LONP2: variants seen among roughly 807,000 people sequenced by gnomAD.
LONP2 encodes lon protease homolog 2, peroxisomal.
A neutral mutation model predicts 85.6 loss-of-function variants in LONP2; 60 were observed. The ratio of observed to expected loss-of-function variants is 0.70; its 90% CI spans 0.57 to 0.87. The LOEUF (loss-of-function observed/expected upper bound fraction) is 0.87, where lower values mean the gene tolerates loss of function less well. Among genes scored for constraint, LONP2 ranks in the 40% least tolerant of loss-of-function variants. LONP2 has a pLI of 0.00. For synonymous variants in LONP2, 395 were observed against 389.7 expected (o/e 1.01, Z -0.16); for missense variants, 860 against 1,063.5 (o/e 0.81, Z 2.66).
In LONP2 at chr16:48,258,835, C is replaced by T. The variant is rs557911337; in HGVS notation, c.723+95C>T. 2.1e-5 allele frequency: 24 copies of T among 1,125,562 alleles called. No individual in the cohort carries two copies. The East Asian group carries it at 3.9e-4, about 18-fold the overall frequency. 69.7% of individuals were successfully genotyped at this position (1,125,562 alleles called of 1,614,324 possible). ...GAAAAGTTTATTGTCTCCTACCACT[C>T]GCACTACTGATAAAATTTAGGTGTT... On this transcript the variant is annotated intron_variant, in intron 4 of 14. Transcript: ENST00000285737.
chr16:48,358,829 A>T (rs2151041333), downstream of LONP2, among the ~76,000 whole-genome samples: 1 of 152,304 alleles, frequency 6.6e-6, no homozygotes, highest in African/African-American at 2.4e-5. Flanking sequence ...CATACACATA[A>T]AAAAAACTGG....
intron 11 of LONP2, among the ~76,000 whole-genome samples, chr16:48,316,586 C>A (rs934233241): frequency 1.3e-5 from 2 of 152,126 alleles, no homozygotes; most frequent in African/African-American, 4.8e-5. Flanking sequence ...CTTGGCCTCC[C>A]AAAGTGCTGG....
chr16:48,244,467 TC>T lies in LONP2; in HGVS notation c.81del (p.Thr28ProfsTer20). On this transcript the variant is annotated frameshift_variant, in exon 1 of 15. Coordinates refer to ENST00000285737, the MANE Select transcript of LONP2 (RefSeq NM_031490.5). LOFTEE classifies it high-confidence loss of function. ...LTHEGVLLPG[S>X]TMRTSVDSAR... ...CCACGAGGGCGTCCTGCTGCCCGGCTCCACCATGCGCACCAGCGTGGACTCG... is the reference window on the plus strand; with the variant it reads ...CCACGAGGGCGTCCTGCTGCCCGGCTCACCATGCGCACCAGCGTGGACTCG... The T allele has an allele frequency of 1.3e-6, 2 of 1,597,204 alleles. No homozygotes were observed.
intron 8 of LONP2, among the ~76,000 whole-genome samples, chr16:48,291,534 G>A (rs1008650422): frequency 5.3e-5 from 8 of 152,150 alleles, no homozygotes; most frequent in African/African-American, 9.7e-5. Context: ...GGAATAATGC[G>A]TCATATCACA....
rs1055278034 is a variant in LONP2, at chr16:48,354,600, T to A, written c.*2798T>A. On this transcript the variant is annotated 3_prime_UTR_variant, in exon 15 of 15. Coordinates refer to ENST00000285737, the MANE Select transcript of LONP2 (RefSeq NM_031490.5). ...CCTCACCCCAGACCCTGGTAACCAC[T>A]ATTTCACTTTCTTTCTGAATTTCCC... 5.9e-5 allele frequency: 9 copies of A among 152,070 alleles called. No homozygotes were observed. The highest frequency in any genetic ancestry group is 2.2e-4 in the African/African-American group (9 of 41,214). The allele number at this position is 152,070 out of a possible 1,614,324, so 9.4% of individuals were successfully genotyped here.
intron 8 of LONP2, among the ~76,000 whole-genome samples, chr16:48,289,330 A>G (rs1972513283): frequency 6.6e-6 from 1 of 152,130 alleles, no homozygotes; most frequent in Admixed American, 6.5e-5. Context: ...CAATCAGCAT[A>G]TGTAAGGTGA....
In LONP2 at chr16:48,352,000, G is replaced by A. The variant is rs1366168560; in HGVS notation, c.*198G>A. 18 of 588,962 alleles carry A rather than the reference G, an allele frequency of 3.1e-5. No individual in the cohort carries two copies. The highest frequency in any genetic ancestry group is 1.3e-4 in the South Asian group (6 of 46,292). The allele number at this position is 588,962 out of a possible 1,614,324, so 36.5% of individuals were successfully genotyped here. ...TTGATTTAGTAAACTGATAAAAATC[G>A]AATTCTTGTCTTTTTAGTGGGATCC... On this transcript the variant is annotated 3_prime_UTR_variant, in exon 15 of 15. Coordinates refer to ENST00000285737, the MANE Select transcript of LONP2 (RefSeq NM_031490.5).
chr16:48,334,471 T>C lies in LONP2; in HGVS notation c.1938+113T>C, dbSNP rs1162001270. The C allele has an allele frequency of 4.6e-6, 6 of 1,293,684 alleles. No individual in the cohort carries two copies. The Admixed American group carries it at 5.5e-5, about 12-fold the overall frequency. The allele number at this position is 1,293,684 out of a possible 1,614,324, so 80.1% of individuals were successfully genotyped here. A position where few individuals can be genotyped will look rare whatever the true frequency, so the allele number is the denominator to read the frequency against. ...GCTGCCCTTTGGGGAAGGAATAGCC[T>C]TATTCGACCTTCTTTTTGGGACGCA... On this transcript the variant is annotated intron_variant, in intron 12 of 14. Coordinates refer to ENST00000285737, the MANE Select transcript of LONP2 (RefSeq NM_031490.5).
intron 11 of LONP2, among the ~76,000 whole-genome samples, chr16:48,333,516 A>G (rs532785325): frequency 6.6e-6 from 1 of 152,240 alleles, no homozygotes; most frequent in South Asian, 2.1e-4. Flanking sequence ...AAAACAGGAC[A>G]CCTGGCTGGG....
rs1242100004 is a variant in LONP2 at position 48,355,640 on chromosome 16, GT to G, written c.*3840del. ...ACATTCCTTCCAGCAATGCACAAAT[GT>G]TCCAGTTTCTCCACATCCTTGCCAG... On this transcript the variant is annotated 3_prime_UTR_variant, in exon 15 of 15. Coordinates refer to ENST00000285737, the MANE Select transcript of LONP2 (RefSeq NM_031490.5). The G allele has an allele frequency of 4.6e-5, 7 of 152,296 alleles. No homozygotes were observed. Among genetic ancestry groups the G allele is most frequent in the Middle Eastern group, 3.4e-3 (1 of 294 alleles). 9.4% of individuals were successfully genotyped at this position (152,296 alleles called of 1,614,324 possible). A position where few individuals can be genotyped will look rare whatever the true frequency, so the allele number is the denominator to read the frequency against.
Position 48,347,680 on chromosome 16 carries a change from C to T in LONP2, c.2112C>T (p.Leu704=), listed in dbSNP as rs1960012526. 4 of 1,614,038 alleles carry T rather than the reference C, an allele frequency of 2.5e-6. No homozygotes were observed. The highest frequency in any genetic ancestry group is 2.7e-5 in the African/African-American group (2 of 75,064). Residue 704 remains leucine, a synonymous_variant, in exon 13 of 15, where the codon CTC becomes CTT. Coordinates refer to ENST00000285737, the MANE Select transcript of LONP2 (RefSeq NM_031490.5). The stretch of plus-strand genomic sequence containing the variant: ...CCGCCCACCTCGCTATCAGCTGGCT[C>T]CGCAGCAACGCAAAGAAGTACCAGC... ...KESAHLAISW[L]RSNAKKYQLT...
chr16:48,266,816 C>T (rs1490386443), intron 6 of LONP2, among the ~76,000 whole-genome samples: 1 of 152,026 alleles, frequency 6.6e-6, no homozygotes, highest in African/African-American at 2.4e-5. Flanking sequence ...GCTGTCTGGG[C>T]ACAGTGGCTC....
chr16:48,351,700 A>G lies in LONP2; in HGVS notation c.2457A>G (p.Leu819=). 2 of 1,614,222 alleles carry G rather than the reference A, an allele frequency of 1.2e-6. No individual in the cohort carries two copies. The highest frequency in any genetic ancestry group is 1.1e-5 in the South Asian group (1 of 91,086). ...EGIPGNVRQD[L]SFVTASCLDE... ...TCCCAGGCAACGTACGACAGGATTT[A>G]AGTTTTGTCACAGCAAGCTGCCTGG... Residue 819 remains leucine (L), a synonymous_variant, in exon 15 of 15, where the codon TTA becomes TTG. Transcript: ENST00000285737.
intron 8 of LONP2, among the ~76,000 whole-genome samples, chr16:48,286,213 C>T (rs958105290): frequency 2.0e-5 from 3 of 148,444 alleles, no homozygotes; most frequent in African/African-American, 7.5e-5. Context: ...GGGATCTTGG[C>T]TCACTGCAAG....
intron 12 of LONP2, among the ~76,000 whole-genome samples, chr16:48,336,852 A>C (rs1384973418): frequency 6.6e-6 from 1 of 152,174 alleles, no homozygotes; most frequent in Non-Finnish European, 1.5e-5. Flanking sequence ...CAGAGGCCTG[A>C]CATCGTGTTT....
chr16:48,282,424 A>G (rs972317183), intron 8 of LONP2, among the ~76,000 whole-genome samples: 8 of 151,894 alleles, frequency 5.3e-5, no homozygotes, highest in Non-Finnish European at 1.2e-4. Context: ...AAAAAAAAAA[A>G]AAAAAGAAAG....
chr16:48,266,900 G>A (rs1252092556), intron 6 of LONP2, among the ~76,000 whole-genome samples: 1 of 151,890 alleles, frequency 6.6e-6, no homozygotes, highest in Non-Finnish European at 1.5e-5. Flanking sequence ...AGACCAGCAT[G>A]AGTAACACAG....
chr16:48,261,611 C>G, intron 5 of LONP2, 24 bp downstream of exon 5: 2 of 1,498,426 alleles, frequency 1.3e-6, no homozygotes, highest in East Asian at 4.8e-5. Context: ...GGCATTTGTT[C>G]ATTATTGTTT....
rs1271392662 is a variant in LONP2, at chr16:48,352,990, A to T, written c.*1188A>T. ...TATGTATGACTATGAAGTCAGGCTC[A>T]TCTGCTTACTGGCTGTGTGAACTTT... On this transcript the variant is annotated 3_prime_UTR_variant, in exon 15 of 15. Coordinates refer to ENST00000285737, the MANE Select transcript of LONP2 (RefSeq NM_031490.5). 3 of 152,236 alleles carry T rather than the reference A, an allele frequency of 2.0e-5. No homozygotes were observed. The highest frequency in any genetic ancestry group is 2.0e-4 in the Admixed American group (3 of 15,288). 9.4% of individuals were successfully genotyped at this position (152,236 alleles called of 1,614,324 possible). A position where few individuals can be genotyped will look rare whatever the true frequency, so the allele number is the denominator to read the frequency against.
Sources: allele counts gnomAD v4.1 joint callset (sites outside exome capture counted in the v4.1 genomes callset), GRCh38; gene constraint gnomAD v4.1.1; transcripts MANE v1.5; gene names NCBI Gene and HGNC (gene_info 2026-07-23, HGNC 2026-07-21).